APOL3: variants seen among roughly 807,000 people sequenced by gnomAD.
APOL3 encodes the protein apolipoprotein L3.
APOL3 carries 14 observed loss-of-function variants against 11.6 expected under a neutral mutation model. The ratio of observed to expected loss-of-function variants is 1.21; its 90% CI spans 0.80 to 1.89. APOL3 has a LOEUF of 1.89. Ranked by LOEUF, APOL3 falls within the 40% of genes most tolerant of loss-of-function variation. The probability of loss-of-function intolerance (pLI) is 0.00; values close to 1 mark genes in which losing one functional copy is unlikely to be tolerated. For missense variants in APOL3, 483 were observed against 492.1 expected, an observed-to-expected ratio of 0.98 and a Z score of 0.17; for synonymous variants, 192 against 190.6, an observed-to-expected ratio of 1.01 and a Z score of -0.06.
chr22:36,160,822 C>G, exon 1 of APOL3: 2 of 1,614,234 alleles, frequency 1.2e-6, no homozygotes, highest in African/African-American at 1.3e-5. Context: ...AAAGTCACAA[C>G]TTGGCAGCAG....
chr22:36,166,011 T>C (rs926037491), exon 1 of APOL3: 3 of 152,178 alleles, frequency 2.0e-5, no homozygotes, highest in Non-Finnish European at 4.4e-5. Flanking sequence ...TTTGGTAAAG[T>C]CTGTGGCCAG....
exon 3 of APOL3, chr22:36,141,411 A>T (rs866958976): frequency 6.2e-7 from 1 of 1,614,050 alleles, no homozygotes; most frequent in Non-Finnish European, 8.5e-7. Flanking sequence ...TCCTCTGCTC[A>T]CTGCCCGGGT....
chr22:36,141,326 CT>C lies in APOL3; in HGVS notation c.1082del (p.Lys361SerfsTer15). 6.2e-7 allele frequency: 1 copy of C among 1,614,210 alleles called. No homozygotes were observed. Among genetic ancestry groups the C allele is most frequent in the East Asian group, 2.2e-5 (1 of 44,878 alleles). ...CAGACTTTGCCCCCTCATGCAAGTG[CT>C]TTGACTCGTATACAAGGTTGACCAC... On this transcript the variant is annotated frameshift_variant, in exon 3 of 3. Coordinates refer to ENST00000349314, the Ensembl canonical transcript of APOL3. LOFTEE classifies it low-confidence loss of function (END_TRUNC).
At chr22:36,156,479 T>G (rs377279845) in intron 1 of APOL3, among the ~76,000 whole-genome samples, 1 of 152,266 alleles carries the variant, frequency 6.6e-6, no homozygotes, top group East Asian at 1.9e-4. Flanking sequence ...CTTTCCTCAC[T>G]GCTCCCTGCC....
At chr22:36,145,830 T>G (rs1287077072) in intron 1 of APOL3, among the ~76,000 whole-genome samples, 1 of 152,070 alleles carries the variant, frequency 6.6e-6, no homozygotes, top group Non-Finnish European at 1.5e-5. Flanking sequence ...GTCATTAATT[T>G]AAAGAGAGTC....
Position 36,160,665 on chromosome 22 carries a change from T to A in APOL3, c.223+4A>T, listed in dbSNP as rs769944009. 6.2e-7 allele frequency: 1 copy of A among 1,613,916 alleles called. No homozygotes were observed. On this transcript the variant is annotated splice_donor_region_variant and intron_variant, in intron 1 of 2. Transcript: ENST00000349314. Reference sequence around the variant, plus strand: ...TGGGGAAGGTCAGACCACCCCTAACTTACCAAGGAAGCTTCTCTTGAAAGA... The same window carrying A: ...TGGGGAAGGTCAGACCACCCCTAACATACCAAGGAAGCTTCTCTTGAAAGA...
exon 3 of APOL3, chr22:36,141,025 A>C (rs1375023605): frequency 1.1e-6 from 1 of 870,246 alleles, no homozygotes. Context: ...TCCTTGGTGC[A>C]CTTGCCATCT....
rs1389708077 is a variant in APOL3 at position 36,145,016 on chromosome 22, AAAAAAAAAAG to A, written c.350+447_350+456del. 2.5e-3 allele frequency among the ~76,000 whole-genome samples: 329 copies of A among 131,488 alleles called. 2 individuals carry two copies. Among genetic ancestry groups the A allele is most frequent in the Non-Finnish European group, 3.9e-3 (237 of 61,292 alleles). The allele number at this position is 131,488 out of a possible 152,430, so 86.3% of individuals were successfully genotyped here. On this transcript the variant is annotated intron_variant, in intron 2 of 2. Coordinates refer to ENST00000349314, the Ensembl canonical transcript of APOL3. ...ACAAGCAAGACTCTGTCTCAAAAAA[AAAAAAAAAAG>A]AAAAAAAAAGAAAAAAAAAGAAAAA...
chr22:36,159,863 CT>C (rs1233445305), intron 1 of APOL3, among the ~76,000 whole-genome samples: 3 of 151,680 alleles, frequency 2.0e-5, no homozygotes, highest in African/African-American at 7.3e-5. Context: ...CTTGTTATCT[CT>C]TTTCGCTCTC....
chr22:36,152,462 T>A (rs914277519), intron 1 of APOL3, among the ~76,000 whole-genome samples: 26 of 152,180 alleles, frequency 1.7e-4, no homozygotes, highest in African/African-American at 6.0e-4. Flanking sequence ...GTATAATTAA[T>A]GTTCCATGGT....
chr22:36,148,971 T>C (rs2060324784), intron 1 of APOL3, 75 bp downstream of exon 2: 1 of 1,327,946 alleles, frequency 7.5e-7, no homozygotes, highest in African/African-American at 1.5e-5. Flanking sequence ...TGGGGCTCAC[T>C]GAGTTGTGGA....
intron 1 of APOL3, among the ~76,000 whole-genome samples, chr22:36,153,645 G>A (rs2012210716): frequency 6.6e-6 from 1 of 152,190 alleles, no homozygotes; most frequent in Non-Finnish European, 1.5e-5. Context: ...CGCTTCCAAA[G>A]ATGTTCAGAG....
rs190437606 is a variant in APOL3 at position 36,160,704 on chromosome 22, C to G, written c.188G>C (p.Gly63Ala). Residue 63 changes from glycine (G) to alanine (A), a missense_variant, in exon 1 of 3, where the codon GGA (glycine) becomes GCA (alanine). Transcript: ENST00000349314. ...TCTCTTGAAAGAGTGTGAGCAAGAT[C>G]CAGCTGTTCTGAGCTGTGTGGATCC... 6 of 1,614,000 alleles carry G rather than the reference C, an allele frequency of 3.7e-6. No homozygotes were observed. The African/African-American group carries it at 6.7e-5, about 18-fold the overall frequency.
At chr22:36,153,854 G>C (rs1428397631) in intron 1 of APOL3, among the ~76,000 whole-genome samples, 2 of 152,236 alleles carry the variant, frequency 1.3e-5, no homozygotes, top group Admixed American at 1.3e-4. Context: ...GGGAGCATGA[G>C]ACATCAATTA....
At chr22:36,161,109 A>G (rs578009317), upstream of APOL3, among the ~76,000 whole-genome samples, 3 of 152,090 alleles carry the variant, frequency 2.0e-5, no homozygotes, top group Admixed American at 2.0e-4. Flanking sequence ...CACTCCCTCC[A>G]TGCCATCAGC....
At chr22:36,150,327 G>A (rs772721626) in intron 1 of APOL3, among the ~76,000 whole-genome samples, 10 of 152,240 alleles carry the variant, frequency 6.6e-5, no homozygotes, top group Middle Eastern at 3.4e-3. Context: ...AGAAATAGGG[G>A]TGAACATTTG....
chr22:36,145,980 T>TTCTCTCTCTCTC lies in APOL3; in HGVS notation c.224-393_224-382dup, dbSNP rs71193207. Among the ~76,000 whole-genome samples, 1,050 of 118,504 alleles carry TTCTCTCTCTCTC rather than the reference T, an allele frequency of 8.9e-3. 17 individuals are homozygous for TTCTCTCTCTCTC. Among genetic ancestry groups the TTCTCTCTCTCTC allele is most frequent in the East Asian group, 0.032 (54 of 1,710 alleles). The allele number at this position is 118,504 out of a possible 152,430, so 77.7% of individuals were successfully genotyped here. On this transcript the variant is annotated intron_variant, in intron 1 of 2. Transcript: ENST00000349314. ...TCCAGCCCTCTCTCCCTGTCTCTCT[T>TTCTCTCTCTCTC]TCTCTCTCTCTCTCTCTCTCTCACA...
At chr22:36,154,926 G>C (rs1603475473) in intron 1 of APOL3, among the ~76,000 whole-genome samples, 1 of 152,124 alleles carries the variant, frequency 6.6e-6, no homozygotes, top group Non-Finnish European at 1.5e-5. Flanking sequence ...ATCCAGAGTG[G>C]GCTCCATTTC....
upstream of APOL3, among the ~76,000 whole-genome samples, chr22:36,162,009 T>TGGC (rs143146340): frequency 0.035 from 5,276 of 152,250 alleles, 224 homozygotes; most frequent in African/African-American, 0.1. Context: ...GGAAACCTTC[T>TGGC]GGCGGCGGGT....
Sources: allele counts gnomAD v4.1 joint callset (sites outside exome capture counted in the v4.1 genomes callset), GRCh38; gene constraint gnomAD v4.1.1; transcripts MANE v1.5; gene names NCBI Gene and HGNC (gene_info 2026-07-23, HGNC 2026-07-21).